Variants in NRG1 observed in about 807,000 individuals in gnomAD.
NRG1 encodes the protein pro-neuregulin-1, membrane-bound isoform.
A neutral mutation model predicts 63.8 loss-of-function variants in NRG1; 18 were observed. The ratio of observed to expected loss-of-function variants is 0.28; its 90% confidence interval spans 0.19 to 0.42. NRG1 has a LOEUF of 0.42. Among genes scored for constraint, NRG1 ranks in the 10% least tolerant of loss-of-function variants. NRG1 has a pLI of 1.00. For synonymous variants in NRG1, 302 were observed against 301.3 expected, an observed-to-expected ratio of 1.00 and a Z score of -0.02; for missense variants, 762 against 814.7, an observed-to-expected ratio of 0.94 and a Z score of 0.79.
rs73672013 is a variant in NRG1, at chr8:31,969,207, G to A, written c.37+329776G>A. Among the ~76,000 whole-genome samples the A allele has an allele frequency of 6.6e-3, 1,004 of 151,990 alleles. 12 individuals are homozygous for A. Among genetic ancestry groups the A allele is most frequent in the African/African-American group, 0.022 (919 of 41,406 alleles). ...CTTTATTTTTTAGTAACTTCATATC[G>A]CAGATGAAAGTACTGTGAAGTTTCT... On this transcript the variant is annotated intron_variant, in intron 1 of 10. Coordinates refer to the NRG1 transcript ENST00000519301.
chr8:32,007,665 T>C (rs1813996748), intron 1 of NRG1, among the ~76,000 whole-genome samples: 1 of 152,048 alleles, frequency 6.6e-6, no homozygotes, highest in Non-Finnish European at 1.5e-5. Flanking sequence ...TCCAATTCTT[T>C]TTTTACACTG....
At chr8:32,446,617 T>A (rs1326006189) in intron 1 of NRG1, among the ~76,000 whole-genome samples, 23 of 151,612 alleles carry the variant, frequency 1.5e-4, no homozygotes, top group Admixed American at 1.5e-3. Context: ...ATTGTGCCCC[T>A]GCACTCCAAC....
intron 5 of NRG1, among the ~76,000 whole-genome samples, chr8:32,707,476 T>C (rs1239706921): frequency 6.6e-6 from 1 of 152,076 alleles, no homozygotes; most frequent in Non-Finnish European, 1.5e-5. Context: ...TCAGAGATTG[T>C]TTCAAATTTA....
chr8:32,255,089 T>C (rs965487938), intron 1 of NRG1, among the ~76,000 whole-genome samples: 11 of 152,238 alleles, frequency 7.2e-5, no homozygotes, highest in Non-Finnish European at 1.0e-4. Flanking sequence ...TGTGTGTCTT[T>C]GCACGTGAGA....
chr8:32,174,262 A>G (rs1172972367), intron 1 of NRG1, among the ~76,000 whole-genome samples: 2 of 151,298 alleles, frequency 1.3e-5, no homozygotes, highest in Admixed American at 1.3e-4. Context: ...ACAAAATGAA[A>G]TTAAGATGTT....
At chr8:31,678,932 T>A (rs1235369883) in intron 1 of NRG1, among the ~76,000 whole-genome samples, 1 of 151,888 alleles carries the variant, frequency 6.6e-6, no homozygotes, top group Non-Finnish European at 1.5e-5. Flanking sequence ...ATTCACTGAC[T>A]ATTTCATGGT....
At chr8:32,568,666 A>G (rs1180030431) in intron 1 of NRG1, among the ~76,000 whole-genome samples, 3 of 152,182 alleles carry the variant, frequency 2.0e-5, no homozygotes, top group Non-Finnish European at 4.4e-5. Context: ...CTGTGTTTTA[A>G]TAAGCTGTTT....
chr8:31,989,420 C>T (rs1322893157), intron 1 of NRG1, among the ~76,000 whole-genome samples: 1 of 151,728 alleles, frequency 6.6e-6, no homozygotes, highest in African/African-American at 2.4e-5. Context: ...AGGAGCAGAC[C>T]CTTTATTGTG....
At chr8:31,737,443 T>G (rs1211405289) in intron 1 of NRG1, among the ~76,000 whole-genome samples, 1 of 152,140 alleles carries the variant, frequency 6.6e-6, no homozygotes, top group Non-Finnish European at 1.5e-5. Context: ...TTTTGAAGAC[T>G]GAGAGCTGGG....
At chr8:32,553,546 G>A (rs1446446138) in intron 1 of NRG1, among the ~76,000 whole-genome samples, 1 of 152,052 alleles carries the variant, frequency 6.6e-6, no homozygotes, top group Non-Finnish European at 1.5e-5. Flanking sequence ...GTAGAGTGAG[G>A]TGCAACATAA....
chr8:32,469,856 T>A (rs2129490311), intron 1 of NRG1, among the ~76,000 whole-genome samples: 1 of 152,178 alleles, frequency 6.6e-6, no homozygotes, highest in African/African-American at 2.4e-5. Context: ...GGAAAAGGAC[T>A]TTTTTGTTTG....
At chr8:32,295,733 G>C (rs763778164) in intron 1 of NRG1, among the ~76,000 whole-genome samples, 4 of 151,690 alleles carry the variant, frequency 2.6e-5, no homozygotes, top group Non-Finnish European at 4.4e-5. Flanking sequence ...GGTGGATCAC[G>C]GGTCAGGAGT....
chr8:32,291,073 G>A (rs1287221603), intron 1 of NRG1, among the ~76,000 whole-genome samples: 2 of 152,112 alleles, frequency 1.3e-5, no homozygotes, highest in African/African-American at 4.8e-5. Context: ...CCAAAGTCAG[G>A]AAAAAGCCAA....
chr8:31,990,407 A>C (rs1249701731), intron 1 of NRG1, among the ~76,000 whole-genome samples: 1 of 152,074 alleles, frequency 6.6e-6, no homozygotes, highest in African/African-American at 2.4e-5. Flanking sequence ...GTAGGTAGAA[A>C]TGCCCAGACA....
At chr8:32,309,411 A>G (rs1409393730) in intron 1 of NRG1, among the ~76,000 whole-genome samples, 4 of 152,130 alleles carry the variant, frequency 2.6e-5, no homozygotes, top group Non-Finnish European at 2.9e-5. Flanking sequence ...ATGTATTATC[A>G]TTCATTGTCT....
intron 5 of NRG1, among the ~76,000 whole-genome samples, chr8:32,725,791 A>C (rs1822014880): frequency 6.6e-6 from 1 of 151,958 alleles, no homozygotes; most frequent in Non-Finnish European, 1.5e-5. Context: ...TGATATTTTT[A>C]AAGGCAATTG....
chr8:32,706,215 G>GA (rs1816368839), intron 5 of NRG1, among the ~76,000 whole-genome samples: 1 of 152,196 alleles, frequency 6.6e-6, no homozygotes, highest in East Asian at 1.9e-4. Context: ...GACTGTCGTG[G>GA]AGAAGCCCCT....
At chr8:31,816,284 T>C (rs961179195) in intron 1 of NRG1, among the ~76,000 whole-genome samples, 9 of 152,196 alleles carry the variant, frequency 5.9e-5, no homozygotes, top group African/African-American at 2.2e-4. Flanking sequence ...TCCTTAGCTC[T>C]GACTCCCTTT....
chr8:32,456,762 G>A (rs781651773), intron 1 of NRG1, among the ~76,000 whole-genome samples: 2 of 152,096 alleles, frequency 1.3e-5, no homozygotes, highest in Non-Finnish European at 2.9e-5. Context: ...AGATTTTCAC[G>A]GGTGGTTGGA....
Sources: gnomAD v4.1 joint callset for allele counts (sites outside exome capture counted in the v4.1 genomes callset) on GRCh38, gnomAD v4.1.1 for gene constraint, MANE v1.5 for transcripts, NCBI Gene and HGNC (gene_info 2026-07-23, HGNC 2026-07-21) for gene names.